The following PIGF variants were observed in gnomAD, a reference collection of about 807,000 sequenced individuals.
PIGF encodes GPI ethanolamine phosphate transferase, stabilizing subunit.
In PIGF, 23 loss-of-function variants were observed where a neutral mutation model predicts 26.0. The ratio of observed to expected loss-of-function variants is 0.88; its 90% CI spans 0.64 to 1.25. The LOEUF is 1.25. Ranked by LOEUF, PIGF falls within the 50% of genes most tolerant of loss-of-function variation. PIGF has a pLI of 0.00. For synonymous variants in PIGF, 93 were observed against 92.6 expected, an observed-to-expected ratio of 1.00 and a Z score of -0.03; for missense variants, 278 against 249.9, an observed-to-expected ratio of 1.11 and a Z score of -0.76.
chr2:46,593,044 T>C (rs1325488866), intron 4 of PIGF, among the ~76,000 whole-genome samples: 1 of 152,202 alleles, frequency 6.6e-6, no homozygotes, highest in Non-Finnish European at 1.5e-5. Flanking sequence ...TGCATCATGT[T>C]ATAAACCAAG....
At chr2:46,601,751 T>C (rs1670062242) in intron 4 of PIGF, among the ~76,000 whole-genome samples, 2 of 152,044 alleles carry the variant, frequency 1.3e-5, no homozygotes, top group African/African-American at 4.8e-5. Context: ...TGCTTCAATA[T>C]AAAATCTATT....
rs541047160 is a variant in PIGF at position 46,591,631 on chromosome 2, C to A, written c.546+844G>T. ...AAATACTGGCAATAATCTAAATGATCAATAGTGAATTTGTTAAATAAGTTA... is the reference window on the plus strand; with the variant it reads ...AAATACTGGCAATAATCTAAATGATAAATAGTGAATTTGTTAAATAAGTTA... On this transcript the variant is annotated intron_variant, in intron 5 of 5. Transcript: ENST00000281382. 8 of 934,816 alleles carry A rather than the reference C, an allele frequency of 8.6e-6. No individual in the cohort carries two copies. In the African/African-American group the frequency reaches 1.2e-4, roughly 15 times the overall value. The allele number at this position is 934,816 out of a possible 1,614,324, so 57.9% of individuals were successfully genotyped here. A position where few individuals can be genotyped will look rare whatever the true frequency, so the allele number is the denominator to read the frequency against.
intron 4 of PIGF, among the ~76,000 whole-genome samples, chr2:46,608,589 A>G (rs1670297479): frequency 6.6e-6 from 1 of 152,248 alleles, no homozygotes; most frequent in Non-Finnish European, 1.5e-5. Flanking sequence ...TATGGCAGCT[A>G]TAGCCTTACA....
intron 4 of PIGF, among the ~76,000 whole-genome samples, chr2:46,604,862 T>A (rs56070847): frequency 0.014 from 2,174 of 152,066 alleles, 33 homozygotes; most frequent in Non-Finnish European, 0.024. Context: ...AGAGTATAAT[T>A]GGATTGCTTG....
chr2:46,600,775 C>G (rs1670031782), intron 4 of PIGF, among the ~76,000 whole-genome samples: 1 of 151,070 alleles, frequency 6.6e-6, no homozygotes, highest in Non-Finnish European at 1.5e-5. Context: ...TTTTATGTTA[C>G]TTATAGAGAT....
chr2:46,607,902 T>G (rs1446466258), intron 4 of PIGF, among the ~76,000 whole-genome samples: 1 of 152,156 alleles, frequency 6.6e-6, no homozygotes, highest in African/African-American at 2.4e-5. Flanking sequence ...TTCACCATGT[T>G]GGCCAGGCTG....
intron 4 of PIGF, among the ~76,000 whole-genome samples, chr2:46,597,884 T>A (rs1326186792): frequency 1.3e-5 from 2 of 152,228 alleles, no homozygotes; most frequent in East Asian, 3.8e-4. Context: ...AAATGTTTTT[T>A]AAAGTGTTTT....
chr2:46,610,916 T>C (rs2104136069), intron 4 of PIGF, among the ~76,000 whole-genome samples: 1 of 152,346 alleles, frequency 6.6e-6, no homozygotes, highest in South Asian at 2.1e-4. Flanking sequence ...ATTGGGCTGT[T>C]ACCTTTCAAA....
At chr2:46,593,100 T>C (rs1268119652) in intron 4 of PIGF, among the ~76,000 whole-genome samples, 2 of 152,022 alleles carry the variant, frequency 1.3e-5, no homozygotes, top group Non-Finnish European at 2.9e-5. Flanking sequence ...TATTCCATTG[T>C]ATGGATGGTG....
At position 46,588,267 on chromosome 2, in the gene PIGF, C is replaced by G. The variant is rs77749457; in HGVS notation, c.546+4208G>C. On this transcript the variant is annotated intron_variant, in intron 5 of 5. Transcript: ENST00000281382. This position sits in a 1 kb window ranked among gnomAD's most constrained non-coding sequence, Gnocchi z 4.1. ...AATACCAGAGAAATAGATAAATTAA[C>G]AGTCCACTCTACCAACTGAAAGACT... 3.8e-4 allele frequency: 582 copies of G among 1,534,664 alleles called. 1 individual carries two copies. In the African/African-American group the frequency reaches 7.2e-3, roughly 19 times the overall value.
intron 5 of PIGF, among the ~76,000 whole-genome samples, chr2:46,587,828 A>G (rs1395104259): frequency 6.6e-6 from 1 of 152,210 alleles, no homozygotes; most frequent in Non-Finnish European, 1.5e-5. Flanking sequence ...TGTAATGAAA[A>G]CAATGTGGGG....
At chr2:46,607,166 C>T (rs900137574) in intron 4 of PIGF, among the ~76,000 whole-genome samples, 2 of 152,098 alleles carry the variant, frequency 1.3e-5, no homozygotes, top group Non-Finnish European at 2.9e-5. Context: ...TAAAAAATAA[C>T]CACCTCCCAG....
chr2:46,606,017 G>C (rs1670211136), intron 4 of PIGF, among the ~76,000 whole-genome samples: 1 of 152,132 alleles, frequency 6.6e-6, no homozygotes, highest in African/African-American at 2.4e-5. Context: ...CAGTATGTTG[G>C]AAATTTTAGG....
chr2:46,587,782 G>A (rs1669623016), intron 5 of PIGF, among the ~76,000 whole-genome samples: 1 of 152,042 alleles, frequency 6.6e-6, no homozygotes, highest in Non-Finnish European at 1.5e-5. Flanking sequence ...ATAAATTACG[G>A]CCTAAAATAC....
At chr2:46,581,996 A>T (rs1321066000) in intron 5 of PIGF, 1 of 157,402 alleles carries the variant, frequency 6.4e-6, no homozygotes, top group Non-Finnish European at 1.4e-5. Context: ...TGACCAAACC[A>T]CAAGAAACTT....
rs982710 is a variant in PIGF, at chr2:46,614,445, G to A, written c.228+492C>T. On this transcript the variant is annotated intron_variant, in intron 2 of 5. Coordinates refer to ENST00000281382, the MANE Select transcript of PIGF (RefSeq NM_002643.4). ...TGTGGACATTATTAGTAATAGCCAA[G>A]TGAATATCTACTGCAGTGAATATTC... The A allele has an allele frequency of 6.8e-3, 1,059 of 155,220 alleles. 14 individuals carry two copies. The highest frequency in any genetic ancestry group is 0.029 in the South Asian group (147 of 5,120). The allele number at this position is 155,220 out of a possible 1,614,324, so 9.6% of individuals were successfully genotyped here.
chr2:46,613,588 A>G (rs1670496874), intron 3 of PIGF, 106 bp downstream of exon 3: 1 of 739,038 alleles, frequency 1.4e-6, no homozygotes, highest in Non-Finnish European at 2.2e-6. Flanking sequence ...TACTTGATCT[A>G]TTAATGATGC....
chr2:46,602,625 C>G (rs1235888968), intron 4 of PIGF, among the ~76,000 whole-genome samples: 1 of 151,648 alleles, frequency 6.6e-6, no homozygotes, highest in Non-Finnish European at 1.5e-5. Flanking sequence ...TATTAAAATA[C>G]AGGATGAATG....
At chr2:46,605,159 C>A (rs958021165) in intron 4 of PIGF, among the ~76,000 whole-genome samples, 9 of 151,932 alleles carry the variant, frequency 5.9e-5, no homozygotes, top group Admixed American at 2.0e-4. Flanking sequence ...TAAAAGTGAA[C>A]ATTTAAGAAG....
Sources: allele counts gnomAD v4.1 joint callset (sites outside exome capture counted in the v4.1 genomes callset), GRCh38; gene constraint gnomAD v4.1.1; non-coding constraint Gnocchi (gnomAD v3.1); transcripts MANE v1.5; gene names NCBI Gene and HGNC (gene_info 2026-07-23, HGNC 2026-07-21).